The following UTRN variants were observed in gnomAD, a reference collection of about 807,000 sequenced individuals.
UTRN encodes dystrophin-related protein 1.
UTRN carries 283 observed loss-of-function variants against 463.9 expected under a neutral mutation model. The ratio of observed to expected loss-of-function variants is 0.61; its 90% confidence interval spans 0.55 to 0.67. The LOEUF (loss-of-function observed/expected upper bound fraction) is 0.67, where lower values mean the gene tolerates loss of function less well. Among genes scored for constraint, UTRN ranks in the 30% least tolerant of loss-of-function variants. The pLI, the probability that UTRN is intolerant of heterozygous loss-of-function variation, is 0.00. For synonymous variants in UTRN, 1,442 were observed against 1,431.5 expected (o/e 1.01, Z -0.17); for missense variants, 3,922 against 4,084.3 (o/e 0.96, Z 1.08).
chr6:144,350,609 T>C (rs1337316046), intron 2 of UTRN, among the ~76,000 whole-genome samples: 2 of 152,256 alleles, frequency 1.3e-5, no homozygotes, highest in African/African-American at 2.4e-5. Context: ...TGTTTGAACT[T>C]GCATTTCTTT....
chr6:144,541,469 A>T (rs570413988), intron 45 of UTRN, among the ~76,000 whole-genome samples: 11 of 152,206 alleles, frequency 7.2e-5, no homozygotes, highest in Non-Finnish European at 1.5e-4. Flanking sequence ...ATTTCATGTA[A>T]ATTTTAATAT....
At chr6:144,690,976 A>G (rs1783340341) in intron 52 of UTRN, among the ~76,000 whole-genome samples, 1 of 152,188 alleles carries the variant, frequency 6.6e-6, no homozygotes, top group Admixed American at 6.5e-5. Context: ...GCTTCTTGGA[A>G]ATAAGTTCAC....
chr6:144,489,551 G>GC (rs1369336146), intron 30 of UTRN, among the ~76,000 whole-genome samples: 1 of 152,148 alleles, frequency 6.6e-6, no homozygotes, highest in Non-Finnish European at 1.5e-5. Flanking sequence ...CAAATGCAAA[G>GC]CCCTTAGCAG....
chr6:144,539,923 A>T (rs917000565), intron 45 of UTRN, among the ~76,000 whole-genome samples: 1 of 151,904 alleles, frequency 6.6e-6, no homozygotes, highest in African/African-American at 2.4e-5. Context: ...CACGCCTGTA[A>T]TCGCAGCTAC....
chr6:144,801,564 A>G (rs1370325109), intron 64 of UTRN, among the ~76,000 whole-genome samples: 5 of 152,162 alleles, frequency 3.3e-5, no homozygotes, highest in Admixed American at 6.5e-5. Context: ...CCGAACTTTT[A>G]TAAATACTGC....
chr6:144,827,297 G>GCT, intron 66 of UTRN, 51 bp from the exon 67 acceptor site: 2 of 1,605,440 alleles, frequency 1.2e-6, no homozygotes, highest in Non-Finnish European at 1.7e-6. Flanking sequence ...GTCTTAAATT[G>GCT]CTCTAAAGTG....
intron 2 of UTRN, among the ~76,000 whole-genome samples, chr6:144,334,222 C>T (rs1776542109): frequency 6.6e-6 from 1 of 151,456 alleles, no homozygotes. Flanking sequence ...CGGAATGCTG[C>T]ACCTGTTGCT....
intron 2 of UTRN, among the ~76,000 whole-genome samples, chr6:144,393,307 G>T (rs1256922661): frequency 1.3e-5 from 2 of 152,030 alleles, no homozygotes. Flanking sequence ...TCTTTTTCAC[G>T]ATTTAAATTT....
intron 63 of UTRN, among the ~76,000 whole-genome samples, chr6:144,795,056 G>A (rs776166517): frequency 1.3e-5 from 2 of 152,078 alleles, no homozygotes; most frequent in African/African-American, 4.8e-5. Flanking sequence ...AGTGTGTGAT[G>A]TTCCCCTCCC....
chr6:144,844,534 G>A (rs775148328), intron 73 of UTRN, among the ~76,000 whole-genome samples: 1 of 152,022 alleles, frequency 6.6e-6, no homozygotes, highest in Admixed American at 6.5e-5. Flanking sequence ...CTCCCAAACC[G>A]CTGGGATTAC....
At chr6:144,599,207 T>C (rs866216525) in intron 51 of UTRN, among the ~76,000 whole-genome samples, 2 of 152,206 alleles carry the variant, frequency 1.3e-5, no homozygotes, top group Non-Finnish European at 2.9e-5. Flanking sequence ...TTTCCTGATA[T>C]ATACCTGATT....
chr6:144,459,118 T>C, intron 20 of UTRN, 56 bp from the exon 21 acceptor site: 1 of 1,580,242 alleles, frequency 6.3e-7, no homozygotes, highest in Non-Finnish European at 8.6e-7. Context: ...CTGATTAACT[T>C]CCTGTGAGGA....
intron 51 of UTRN, among the ~76,000 whole-genome samples, chr6:144,631,764 T>TA (rs1003698732): frequency 6.6e-6 from 1 of 152,130 alleles, no homozygotes; most frequent in African/African-American, 2.4e-5. Context: ...TTCCTTCTAT[T>TA]AAAAAAAGTT....
At chr6:144,404,141 A>G (rs1783172521) in intron 3 of UTRN, among the ~76,000 whole-genome samples, 1 of 152,142 alleles carries the variant, frequency 6.6e-6, no homozygotes, top group Non-Finnish European at 1.5e-5. Flanking sequence ...ATAGTTGGTT[A>G]TTTGATTTCA....
intron 23 of UTRN, among the ~76,000 whole-genome samples, chr6:144,466,703 A>T (rs1789996646): frequency 6.6e-6 from 1 of 152,192 alleles, no homozygotes; most frequent in Non-Finnish European, 1.5e-5. Flanking sequence ...CTGCTTATAT[A>T]TCTCTCCTCA....
intron 2 of UTRN, among the ~76,000 whole-genome samples, chr6:144,348,519 G>T: frequency 6.6e-6 from 1 of 152,160 alleles, no homozygotes; most frequent in Admixed American, 6.5e-5. Flanking sequence ...ATTTTTTGCA[G>T]ATCTTAATAA....
chr6:144,637,509 ATAACGTGCAACGTC>A (rs1297539677), intron 51 of UTRN, among the ~76,000 whole-genome samples: 1 of 152,024 alleles, frequency 6.6e-6, no homozygotes, highest in African/African-American at 2.4e-5. Flanking sequence ...GATACATGTT[ATAACGTGCAACGTC>A]TCCTGCCCTG....
intron 64 of UTRN, among the ~76,000 whole-genome samples, chr6:144,801,817 G>A (rs1777725401): frequency 6.6e-6 from 1 of 152,096 alleles, no homozygotes; most frequent in African/African-American, 2.4e-5. Flanking sequence ...TCCCTAACAT[G>A]TGGCTTCCAT....
At chr6:144,398,424 A>G in intron 2 of UTRN, 2 of 376,656 alleles carry the variant, frequency 5.3e-6, no homozygotes, top group South Asian at 5.0e-5. Flanking sequence ...ATGCACACTC[A>G]AGGGCCTCTG....
Sources: allele counts gnomAD v4.1 joint callset (sites outside exome capture counted in the v4.1 genomes callset), GRCh38; gene constraint gnomAD v4.1.1; transcripts MANE v1.5; gene names NCBI Gene and HGNC (gene_info 2026-07-23, HGNC 2026-07-21).